The following TSC22D2 variants were observed in gnomAD, a reference collection of about 807,000 sequenced individuals.
TSC22D2 encodes TSC22 domain family protein 2.
In TSC22D2, 5 loss-of-function variants were observed where a neutral mutation model predicts 50.1. The observed-to-expected ratio is 0.10, with a 90% CI of 0.05 to 0.21. The LOEUF is 0.21. Among genes scored for constraint, TSC22D2 ranks in the 10% least tolerant of loss-of-function variants. The pLI, the probability that TSC22D2 is intolerant of heterozygous loss-of-function variation, is 1.00. For missense variants in TSC22D2, 1,003 were observed against 1,015.5 expected, an observed-to-expected ratio of 0.99 and a Z score of 0.17; for synonymous variants, 501 against 450.1, an observed-to-expected ratio of 1.11 and a Z score of -1.43.
At chr3:150,434,579 C>T (rs551751900) in intron 1 of TSC22D2, among the ~76,000 whole-genome samples, 17 of 152,094 alleles carry the variant, frequency 1.1e-4, no homozygotes, top group South Asian at 4.2e-4. Flanking sequence ...TATCTTTTTC[C>T]TTTGCCTTCT....
rs1560078351 is a variant in TSC22D2 at position 150,411,218 on chromosome 3, C to T, written c.1868C>T (p.Ser623Phe). 6.2e-7 allele frequency: 1 copy of T among 1,614,190 alleles called. No individual in the cohort carries two copies. The highest frequency in any genetic ancestry group is 1.7e-5 in the Admixed American group (1 of 60,018). Residue 623 changes from serine (S) to phenylalanine (F), a missense_variant, in exon 1 of 3, where the codon TCC (serine) becomes TTC (phenylalanine). Physicochemically the swap from Ser to Phe is radical, Grantham distance 155. Coordinates refer to ENST00000688009, the MANE Select transcript of TSC22D2 (RefSeq NM_001303264.2). ...KPVVKPPVADSLANPLQLTPM... is the reference protein window; with the variant it reads ...KPVVKPPVADFLANPLQLTPM... Reference sequence around the variant, plus strand: ...GTTGTGAAGCCGCCTGTTGCAGATTCCCTGGCAAACCCCCTTCAGTTAACA... The same window carrying T: ...GTTGTGAAGCCGCCTGTTGCAGATTTCCTGGCAAACCCCCTTCAGTTAACA...
chr3:150,421,692 T>A (rs59147444), intron 1 of TSC22D2, among the ~76,000 whole-genome samples: 3 of 152,298 alleles, frequency 2.0e-5, no homozygotes, highest in South Asian at 2.1e-4. Context: ...CTTTTTTTTT[T>A]ATTGTACTAA....
At position 150,410,110 on chromosome 3, in the gene TSC22D2, C is replaced by G. The variant is rs770363317; in HGVS notation, c.760C>G (p.Pro254Ala). 8 of 1,612,600 alleles carry G rather than the reference C, an allele frequency of 5.0e-6. No homozygotes were observed. The Admixed American group carries it at 5.0e-5, about 10-fold the overall frequency. Residue 254 changes from proline to alanine, a missense_variant, in exon 1 of 3, where the codon CCG becomes GCG. This residue lies in a region of TSC22D2 where 696 missense variants were observed against 647.8 expected (regional missense o/e 1.07). Coordinates refer to ENST00000688009, the MANE Select transcript of TSC22D2 (RefSeq NM_001303264.2). ...SSLTAVSQLP[P>A]SEKMSQPTPA... is the part of the protein sequence containing the mutation. The stretch of plus-strand genomic sequence containing the variant: ...CTTGACTGCTGTGTCACAGCTACCC[C>G]CGTCGGAGAAAATGAGCCAGCCCAC...
chr3:150,451,093 A>C (rs1038148154), intron 1 of TSC22D2, among the ~76,000 whole-genome samples: 17 of 152,184 alleles, frequency 1.1e-4, no homozygotes, highest in African/African-American at 3.6e-4. Context: ...AAGTATGCCA[A>C]ATTTACCAAC....
rs777685501 is a variant in TSC22D2 at position 150,410,304 on chromosome 3, G to A, written c.954G>A (p.Gly318=). 6.4e-7 allele frequency: 1 copy of A among 1,567,654 alleles called. No homozygotes were observed. The highest frequency in any genetic ancestry group is 8.6e-7 in the Non-Finnish European group (1 of 1,156,272). The change falls in exon 1 of 3, where the codon GGG becomes GGA. Residue 318 remains glycine, a synonymous_variant. Transcript: ENST00000688009. ...AAQPSQPQGA[G]PGGQTLPPTN... ...AGCCCAGCCAGCCCCAGGGAGCGGG[G>A]CCCGGGGGACAGACTCTGCCGCCGA...
intron 1 of TSC22D2, among the ~76,000 whole-genome samples, chr3:150,424,428 A>G (rs1720109783): frequency 6.6e-6 from 1 of 152,182 alleles, no homozygotes; most frequent in South Asian, 2.1e-4. Context: ...ATTTATTTCA[A>G]ATAGCTAACT....
chr3:150,415,370 A>G (rs574122211), intron 1 of TSC22D2, among the ~76,000 whole-genome samples: 1 of 152,326 alleles, frequency 6.6e-6, no homozygotes, highest in Non-Finnish European at 1.5e-5. Flanking sequence ...CCAGCTGACT[A>G]TTTTAGTAAC....
intron 1 of TSC22D2, among the ~76,000 whole-genome samples, chr3:150,443,099 ATACTTGGATCATG>A (rs1348009123): frequency 2.0e-5 from 3 of 152,186 alleles, no homozygotes; most frequent in African/African-American, 7.2e-5. Context: ...CACCTATCCT[ATACTTGGATCATG>A]TCTACAGTGT....
At chr3:150,422,521 T>C (rs748590357) in intron 1 of TSC22D2, among the ~76,000 whole-genome samples, 1 of 149,598 alleles carries the variant, frequency 6.7e-6, no homozygotes, top group Non-Finnish European at 1.5e-5. Flanking sequence ...CACATATAAA[T>C]AAATGGATTT....
chr3:150,416,312 C>T (rs1231532167), intron 1 of TSC22D2, among the ~76,000 whole-genome samples: 1 of 152,064 alleles, frequency 6.6e-6, no homozygotes, highest in Non-Finnish European at 1.5e-5. Flanking sequence ...GAAGGAGAGG[C>T]CTTACAAAAG....
intron 1 of TSC22D2, among the ~76,000 whole-genome samples, chr3:150,424,870 A>T (rs1188586371): frequency 6.6e-6 from 1 of 152,214 alleles, no homozygotes; most frequent in Non-Finnish European, 1.5e-5. Context: ...GGCCAACCCA[A>T]TGGAAACTGA....
intron 1 of TSC22D2, among the ~76,000 whole-genome samples, chr3:150,416,063 A>G (rs1214522926): frequency 6.6e-6 from 1 of 152,206 alleles, no homozygotes; most frequent in Non-Finnish European, 1.5e-5. Flanking sequence ...TTCCTTTCCT[A>G]AAATGGCAGG....
chr3:150,463,404 G>T lies in TSC22D2; in HGVS notation c.*4768G>T, dbSNP rs1272141573. ...TTTCTCCCACCTCCTTCTGCTTCAA[G>T]CCTCTTAATAATCCATATTTCTATT... is the stretch of plus-strand genomic sequence containing the variant. On this transcript the variant is annotated 3_prime_UTR_variant, in exon 3 of 3. Transcript: ENST00000688009. 6.6e-6 allele frequency: 1 copy of T among 152,122 alleles called. No homozygotes were observed. The highest frequency in any genetic ancestry group is 2.4e-5 in the African/African-American group (1 of 41,422). The allele number at this position is 152,122 out of a possible 1,614,324, so 9.4% of individuals were successfully genotyped here. A position where few individuals can be genotyped will look rare whatever the true frequency, so the allele number is the denominator to read the frequency against.
chr3:150,414,758 A>G (rs1421221486), intron 1 of TSC22D2, among the ~76,000 whole-genome samples: 1 of 151,876 alleles, frequency 6.6e-6, no homozygotes, highest in African/African-American at 2.4e-5. Context: ...AAGTGAGAGG[A>G]TTAAGTAAAT....
rs1719397146 is a variant in TSC22D2 at position 150,409,218 on chromosome 3, C to CT, written c.-131dup. ...CCAGCGCCTGGATCAGCCCGTGACT[C>CT]TTAACAGCGGCGGGCCTCAGACCCC... On this transcript the variant is annotated 5_prime_UTR_variant, in exon 1 of 3. Transcript: ENST00000688009. The surrounding 1 kb of genome is among the most constrained non-coding windows in gnomAD (Gnocchi z 7.4). 1 of 1,058,450 alleles carries CT rather than the reference C, an allele frequency of 9.4e-7. No individual in the cohort carries two copies. The highest frequency in any genetic ancestry group is 2.6e-5 in the East Asian group (1 of 38,444). 65.6% of individuals were successfully genotyped at this position (1,058,450 alleles called of 1,614,324 possible).
In TSC22D2 at chr3:150,446,269, C is replaced by CCTA. The variant is rs143273430; in HGVS notation, c.1959-10807_1959-10806insCTA. Among the ~76,000 whole-genome samples, 230 of 152,182 alleles carry CCTA rather than the reference C, an allele frequency of 1.5e-3. 8 individuals are homozygous for CCTA. In the East Asian group the frequency reaches 0.041, roughly 27 times the overall value. On this transcript the variant is annotated intron_variant, in intron 1 of 2. Transcript: ENST00000688009. The stretch of plus-strand genomic sequence containing the variant: ...AGTGGAGAAGAAAAAATACTTTAGA[C>CCTA]AAGAGATAATAAACTGAAACGTAGA...
At chr3:150,419,934 C>CAAA (rs1264465477) in intron 1 of TSC22D2, among the ~76,000 whole-genome samples, 1 of 152,126 alleles carries the variant, frequency 6.6e-6, no homozygotes, top group Non-Finnish European at 1.5e-5. Context: ...ATATTAATAT[C>CAAA]AAATAAACTG....
chr3:150,414,372 T>C (rs1166823478), intron 1 of TSC22D2, among the ~76,000 whole-genome samples: 4 of 152,210 alleles, frequency 2.6e-5, no homozygotes, highest in African/African-American at 9.7e-5. Flanking sequence ...AACAGTCTCC[T>C]GTAAATGAGA....
intron 1 of TSC22D2, among the ~76,000 whole-genome samples, chr3:150,418,340 T>G (rs887179427): frequency 8.6e-5 from 13 of 151,916 alleles, no homozygotes; most frequent in African/African-American, 3.1e-4. Context: ...AAGGTGCTAA[T>G]GGGAACAATT....
Sources: allele counts gnomAD v4.1 joint callset (sites outside exome capture counted in the v4.1 genomes callset), GRCh38; gene constraint gnomAD v4.1.1; regional missense constraint gnomAD v4.1.1; non-coding constraint Gnocchi (gnomAD v3.1); transcripts MANE v1.5; gene names NCBI Gene and HGNC (gene_info 2026-07-23, HGNC 2026-07-21).